DENND1B: variants seen among roughly 807,000 people sequenced by gnomAD.
DENND1B encodes the protein DENN domain containing 1B.
DENND1B carries 59 observed loss-of-function variants against 90.1 expected under a neutral mutation model. The ratio of observed to expected loss-of-function variants is 0.65; its 90% confidence interval spans 0.53 to 0.81. The LOEUF (loss-of-function observed/expected upper bound fraction) is 0.81. Among genes scored for constraint, DENND1B ranks in the 40% least tolerant of loss-of-function variants. The probability of loss-of-function intolerance (pLI) is 0.00; values close to 1 mark genes in which losing one functional copy is unlikely to be tolerated. For synonymous variants in DENND1B, 337 were observed against 324.6 expected (o/e 1.04, Z -0.41); for missense variants, 862 against 912.6 (o/e 0.94, Z 0.71).
At chr1:197,636,401 A>C (rs1489384319) in intron 10 of DENND1B, among the ~76,000 whole-genome samples, 2 of 152,136 alleles carry the variant, frequency 1.3e-5, no homozygotes, top group Non-Finnish European at 2.9e-5. Flanking sequence ...GAAGGTAAGG[A>C]TGCATTTGGT....
chr1:197,713,801 T>A (rs1382200027), intron 3 of DENND1B, among the ~76,000 whole-genome samples: 3 of 32,596 alleles, frequency 9.2e-5, no homozygotes, highest in East Asian at 1.6e-3. Context: ...TATTATTATA[T>A]TATAATATAT....
At chr1:197,580,258 A>AT (rs36028786) in intron 15 of DENND1B, among the ~76,000 whole-genome samples, 45,356 of 113,142 alleles carry the variant, frequency 0.4, 9,699 homozygotes, top group Middle Eastern at 0.54. Flanking sequence ...CGCCCAGCTA[A>AT]TTTTTTTTTT....
intron 16 of DENND1B, 66 bp downstream of exon 16, chr1:197,552,956 A>G (rs1329334037): frequency 3.2e-6 from 5 of 1,545,934 alleles, no homozygotes; most frequent in Non-Finnish European, 4.3e-6. Context: ...TTTATCAGAC[A>G]CAAGTGCAAA....
chr1:197,539,831 T>C, intron 20 of DENND1B, 133 bp downstream of exon 20: 3 of 687,882 alleles, frequency 4.4e-6, no homozygotes, highest in Non-Finnish European at 7.4e-6. Flanking sequence ...TTCCACTAAC[T>C]CCTCCCCTTG....
chr1:197,640,463 A>C (rs1345111533), intron 10 of DENND1B, among the ~76,000 whole-genome samples: 2 of 149,578 alleles, frequency 1.3e-5, no homozygotes, highest in Non-Finnish European at 3.0e-5. Context: ...ACAAAGTGAG[A>C]CTCTGTCTCA....
chr1:197,614,140 A>G (rs1677429351), intron 11 of DENND1B, among the ~76,000 whole-genome samples: 1 of 145,406 alleles, frequency 6.9e-6, no homozygotes, highest in Admixed American at 6.7e-5. Flanking sequence ...ACACATTGAT[A>G]AAAATTGTTA....
intron 10 of DENND1B, among the ~76,000 whole-genome samples, chr1:197,627,450 C>G (rs1678872739): frequency 6.6e-6 from 1 of 152,146 alleles, no homozygotes; most frequent in Admixed American, 6.6e-5. Flanking sequence ...TCAACAGATG[C>G]AGAAAAGGCC....
chr1:197,733,067 G>T lies in DENND1B; in HGVS notation c.83-17993C>A, dbSNP rs538174316. 5.6e-4 allele frequency among the ~76,000 whole-genome samples: 85 copies of T among 152,034 alleles called. 4 individuals carry two copies. In the South Asian group the frequency reaches 0.018, roughly 32 times the overall value. Reference sequence around the variant, plus strand: ...GATCATATTAAACAAGGAAATTGGGGAAAAAAACAATGAAGAAAAAGGATC... The same window carrying T: ...GATCATATTAAACAAGGAAATTGGGTAAAAAAACAATGAAGAAAAAGGATC... On this transcript the variant is annotated intron_variant, in intron 2 of 22. Transcript: ENST00000620048.
chr1:197,552,780 T>A, intron 16 of DENND1B: 1 of 1,285,284 alleles, frequency 7.8e-7, no homozygotes. Context: ...CCAGCAATAT[T>A]AAGAGATTAT....
chr1:197,750,515 G>A (rs1426811866), intron 2 of DENND1B, among the ~76,000 whole-genome samples: 2 of 151,860 alleles, frequency 1.3e-5, no homozygotes, highest in African/African-American at 4.8e-5. Context: ...GAATACAAAT[G>A]TATCAAACAT....
intron 2 of DENND1B, among the ~76,000 whole-genome samples, chr1:197,720,837 T>G (rs12092948): frequency 6.6e-6 from 1 of 151,986 alleles, no homozygotes; most frequent in East Asian, 1.9e-4. Flanking sequence ...TAAAAACAAA[T>G]TCATTGCTGG....
intron 15 of DENND1B, among the ~76,000 whole-genome samples, chr1:197,565,769 T>C (rs920001468): frequency 6.0e-5 from 9 of 151,108 alleles, no homozygotes; most frequent in Non-Finnish European, 1.3e-4. Context: ...GATAGTTTAC[T>C]GAGAATGATG....
At chr1:197,728,656 T>G (rs1661874425) in intron 2 of DENND1B, among the ~76,000 whole-genome samples, 1 of 152,148 alleles carries the variant, frequency 6.6e-6, no homozygotes, top group African/African-American at 2.4e-5. Context: ...TTCATCTTAC[T>G]CTAAATTCTT....
intron 14 of DENND1B, among the ~76,000 whole-genome samples, chr1:197,589,271 G>C (rs1674975198): frequency 6.6e-6 from 1 of 152,052 alleles, no homozygotes; most frequent in Admixed American, 6.6e-5. Context: ...CAAAGTACTT[G>C]AGGAGAAACT....
Position 197,512,902 on chromosome 1 carries a change from C to T in DENND1B, c.1567G>A (p.Glu523Lys). ...KSLDGALYDDEDDDDIERASK... is the reference protein window; with the variant it reads ...KSLDGALYDDKDDDDIERASK... ...GCTCTTTCAATGTCATCATCATCTT[C>T]ATCATCATATAGAGCACCATCAAGG... is the stretch of plus-strand genomic sequence containing the variant. Residue 523 changes from glutamate (E) to lysine (K), a missense_variant, in exon 21 of 23, where the codon GAA (glutamate) becomes AAA (lysine). By Grantham distance (56) the Glu-to-Lys change is moderately conservative. Coordinates refer to ENST00000620048, the MANE Select transcript of DENND1B (RefSeq NM_001195215.2). 6.2e-7 allele frequency: 1 copy of T among 1,610,726 alleles called. No individual in the cohort carries two copies. The highest frequency in any genetic ancestry group is 2.2e-5 in the East Asian group (1 of 44,770).
At chr1:197,740,957 C>G (rs765521792) in intron 2 of DENND1B, among the ~76,000 whole-genome samples, 1 of 152,114 alleles carries the variant, frequency 6.6e-6, no homozygotes, top group Non-Finnish European at 1.5e-5. Flanking sequence ...AAGCTAACAC[C>G]TATGTTGATA....
intron 2 of DENND1B, among the ~76,000 whole-genome samples, chr1:197,759,495 A>G (rs1444657216): frequency 1.3e-5 from 2 of 151,574 alleles, no homozygotes; most frequent in African/African-American, 2.4e-5. Flanking sequence ...AAATGAAAGT[A>G]TCTGCACCAT....
chr1:197,557,517 C>A (rs181187955), intron 15 of DENND1B, among the ~76,000 whole-genome samples: 1 of 151,968 alleles, frequency 6.6e-6, no homozygotes, highest in Admixed American at 6.6e-5. Flanking sequence ...TTTGAGCCAA[C>A]AGAAATTAAT....
At chr1:197,679,910 G>A (rs538856908) in intron 3 of DENND1B, among the ~76,000 whole-genome samples, 1 of 150,478 alleles carries the variant, frequency 6.6e-6, no homozygotes, top group Admixed American at 6.6e-5. Flanking sequence ...AGCACTTTAG[G>A]AGGCCAAGGC....
Sources: allele counts gnomAD v4.1 joint callset (sites outside exome capture counted in the v4.1 genomes callset), GRCh38; gene constraint gnomAD v4.1.1; transcripts MANE v1.5; gene names NCBI Gene and HGNC (gene_info 2026-07-23, HGNC 2026-07-21).